ASGR2: variants seen among roughly 807,000 people sequenced by gnomAD.
ASGR2 encodes C-type lectin domain family 4 member H2.
A neutral mutation model predicts 32.3 loss-of-function variants in ASGR2; 34 were observed. The observed-to-expected ratio is 1.05, with a 90% CI of 0.80 to 1.40. The LOEUF is 1.40. Ranked by LOEUF, ASGR2 falls within the 40% of genes most tolerant of loss-of-function variation. The pLI, the probability that ASGR2 is intolerant of heterozygous loss-of-function variation, is 0.00. For missense variants in ASGR2, 385 were observed against 386.4 expected, an observed-to-expected ratio of 1.00 and a Z score of 0.03; for synonymous variants, 143 against 150.0, an observed-to-expected ratio of 0.95 and a Z score of 0.34.
intron 8 of ASGR2, 90 bp from the exon 9 acceptor site, chr17:7,101,830 A>G: frequency 1.3e-6 from 2 of 1,507,004 alleles, no homozygotes; most frequent in Non-Finnish European, 1.8e-6. Context: ...TTTTCCTTGA[A>G]GGCCGAGAGT....
At chr17:7,104,348 TAA>T (rs71383461) in intron 7 of ASGR2, among the ~76,000 whole-genome samples, 1,472 of 79,754 alleles carry the variant, frequency 0.018, 29 homozygotes, top group African/African-American at 0.063. Flanking sequence ...AACTCTGTCT[TAA>T]AAAAAAAAAA....
Position 7,113,623 on chromosome 17 carries a change from A to G in ASGR2, c.124+494T>C, listed in dbSNP as rs1439277568. Among the ~76,000 whole-genome samples, 2 of 151,822 alleles carry G rather than the reference A, an allele frequency of 1.3e-5. No individual in the cohort carries two copies. Among genetic ancestry groups the G allele is most frequent in the Admixed American group, 6.6e-5 (1 of 15,236 alleles). On this transcript the variant is annotated intron_variant, in intron 2 of 8. Coordinates refer to ENST00000691900, the MANE Select transcript of ASGR2 (RefSeq NM_001201352.2). This position sits in a 1 kb window ranked among gnomAD's most constrained non-coding sequence, Gnocchi z 5.1. ...ACACTCGCACAACATACACACATGCACAAGATACACACACAACACACAACA... is the reference window on the plus strand; with the variant it reads ...ACACTCGCACAACATACACACATGCGCAAGATACACACACAACACACAACA...
At position 7,114,449 on chromosome 17, in the gene ASGR2, T is replaced by C; in HGVS notation, c.-70-139A>G. On this transcript the variant is annotated intron_variant, in intron 1 of 8. Transcript: ENST00000691900. The surrounding 1 kb of genome is among the most constrained non-coding windows in gnomAD (Gnocchi z 4.5). ...GAGGTTTGAAATCCCGCTGGGTCCTTTCCCTTCTCAGGAGACCGCTTGGGC... is the reference window on the plus strand; with the variant it reads ...GAGGTTTGAAATCCCGCTGGGTCCTCTCCCTTCTCAGGAGACCGCTTGGGC... The C allele has an allele frequency of 7.1e-7, 1 of 1,403,722 alleles. No homozygotes were observed. Among genetic ancestry groups the C allele is most frequent in the Non-Finnish European group, 9.3e-7 (1 of 1,080,444 alleles). 87.0% of individuals were successfully genotyped at this position (1,403,722 alleles called of 1,614,324 possible).
chr17:7,110,094 C>A (rs1301706201), intron 2 of ASGR2, among the ~76,000 whole-genome samples: 2 of 152,166 alleles, frequency 1.3e-5, no homozygotes, highest in African/African-American at 2.4e-5. Flanking sequence ...GGCCCAGAAT[C>A]TTCCTCCCCA....
chr17:7,108,731 C>T lies in ASGR2; in HGVS notation c.241+41G>A. 2 of 1,613,912 alleles carry T rather than the reference C, an allele frequency of 1.2e-6. No homozygotes were observed. Among genetic ancestry groups the T allele is most frequent in the South Asian group, 1.1e-5 (1 of 91,052 alleles). ...GCCCGCCACTGCCCATGTCTCTTTC[C>T]CTACCCCTTGCCCATCCCTGCTGGC... On this transcript the variant is annotated intron_variant, in intron 3 of 8. Coordinates refer to ENST00000691900, the MANE Select transcript of ASGR2 (RefSeq NM_001201352.2). The surrounding 1 kb of genome is among the most constrained non-coding windows in gnomAD (Gnocchi z 4.9).
In ASGR2 at chr17:7,107,281, G is replaced by A; in HGVS notation, c.446C>T (p.Pro149Leu). 1 of 1,613,976 alleles carries A rather than the reference G, an allele frequency of 6.2e-7. No homozygotes were observed. ...GCAGGCCACGAAGCGCAGGTCCACG[G>A]GGAAGTGCTTCAGATGGAAGAGCAG... is the stretch of plus-strand genomic sequence containing the variant. ...DALLFHLKHF[P>L]VDLRFVACQM... Residue 149 changes from proline (P) to leucine (L), a missense_variant, in exon 6 of 9, where the codon CCC becomes CTC. Transcript: ENST00000691900. The surrounding 1 kb of genome is among the most constrained non-coding windows in gnomAD (Gnocchi z 5.0).
rs756818083 is a variant in ASGR2, at chr17:7,107,785, G to A, written c.409+51C>T. ...CGCACACGTACACACTACACACACC[G>A]CACACGTACACATGCACGCACATGC... On this transcript the variant is annotated intron_variant, in intron 5 of 8. Transcript: ENST00000691900. The surrounding 1 kb of genome is among the most constrained non-coding windows in gnomAD (Gnocchi z 5.0). 4.4e-6 allele frequency: 7 copies of A among 1,582,768 alleles called. No homozygotes were observed. The highest frequency in any genetic ancestry group is 3.4e-5 in the Admixed American group (2 of 59,382).
Position 7,108,770 on chromosome 17 carries a change from A to T in ASGR2, c.241+2T>A. 1 of 1,613,516 alleles carries T rather than the reference A, an allele frequency of 6.2e-7. No homozygotes were observed. On this transcript the variant is annotated splice_donor_variant, in intron 3 of 8. Transcript: ENST00000691900. LOFTEE classifies it high-confidence loss of function. This position sits in a 1 kb window ranked among gnomAD's most constrained non-coding sequence, Gnocchi z 4.9. ...ATCCCTGCTGGCCCCCGTGACCCTC[A>T]CTTTGGGACCCAGTCACACAGATGA...
At position 7,107,177 on chromosome 17, in the gene ASGR2, G is replaced by A. The variant is rs750804100; in HGVS notation, c.497-26C>T. ...CTGAGGGGACAGGGGGCAGGGAGAT[G>A]AGATCCAGCCGGAGGGGCAGGCACA... On this transcript the variant is annotated intron_variant, in intron 6 of 8. Transcript: ENST00000691900. The surrounding 1 kb of genome is among the most constrained non-coding windows in gnomAD (Gnocchi z 5.0). 2.5e-6 allele frequency: 4 copies of A among 1,614,198 alleles called. No individual in the cohort carries two copies. The highest frequency in any genetic ancestry group is 2.5e-6 in the Non-Finnish European group (3 of 1,180,016).
intron 2 of ASGR2, among the ~76,000 whole-genome samples, chr17:7,112,653 C>G (rs532809274): frequency 2.0e-5 from 3 of 152,294 alleles, no homozygotes; most frequent in East Asian, 3.9e-4. Flanking sequence ...CAGCCCCCTA[C>G]AGAGAGAGGA....
In ASGR2 at chr17:7,107,454, A is replaced by C. The variant is rs777582179; in HGVS notation, c.410-137T>G. 98 of 821,554 alleles carry C rather than the reference A, an allele frequency of 1.2e-4. No individual in the cohort carries two copies. The highest frequency in any genetic ancestry group is 1.8e-4 in the Non-Finnish European group (92 of 510,720). 50.9% of individuals were successfully genotyped at this position (821,554 alleles called of 1,614,324 possible). A position where few individuals can be genotyped will look rare whatever the true frequency, so the allele number is the denominator to read the frequency against. On this transcript the variant is annotated intron_variant, in intron 5 of 8. Transcript: ENST00000691900. The surrounding 1 kb of genome is among the most constrained non-coding windows in gnomAD (Gnocchi z 5.0). ...CCACACCACACACCATACCACACAC[A>C]CACCACAGACATGTACACCACACAT...
chr17:7,105,428 A>G (rs1913529637), intron 7 of ASGR2, among the ~76,000 whole-genome samples: 1 of 152,148 alleles, frequency 6.6e-6, no homozygotes. Flanking sequence ...CTGTAATCCC[A>G]ATATTTTGGG....
chr17:7,104,879 G>A (rs1011886163), intron 7 of ASGR2, among the ~76,000 whole-genome samples: 3 of 150,254 alleles, frequency 2.0e-5, no homozygotes, highest in Admixed American at 6.7e-5. Flanking sequence ...GGGATACTAA[G>A]ACAGGAGAAT....
rs1181410327 is a variant in ASGR2 at position 7,101,749 on chromosome 17, G to A, written c.756-9C>T. The A allele has an allele frequency of 1.2e-6, 2 of 1,611,648 alleles. No individual in the cohort carries two copies. The highest frequency in any genetic ancestry group is 1.7e-5 in the Admixed American group (1 of 59,952). ...GAGTGACAGCCCAGTTCCTAAGGAGGCAAGAGAAAACTCGGACTCTGCCAC... is the reference window on the plus strand; with the variant it reads ...GAGTGACAGCCCAGTTCCTAAGGAGACAAGAGAAAACTCGGACTCTGCCAC... On this transcript the variant is annotated splice_polypyrimidine_tract_variant and intron_variant, in intron 8 of 8. Transcript: ENST00000691900.
At position 7,108,358 on chromosome 17, in the gene ASGR2, C is replaced by T; in HGVS notation, c.337+104G>A. 1 of 1,279,536 alleles carries T rather than the reference C, an allele frequency of 7.8e-7. No homozygotes were observed. Among genetic ancestry groups the T allele is most frequent in the Non-Finnish European group, 1.1e-6 (1 of 926,974 alleles). The allele number at this position is 1,279,536 out of a possible 1,614,324, so 79.3% of individuals were successfully genotyped here. On this transcript the variant is annotated intron_variant, in intron 4 of 8. Coordinates refer to ENST00000691900, the MANE Select transcript of ASGR2 (RefSeq NM_001201352.2). The surrounding 1 kb of genome is among the most constrained non-coding windows in gnomAD (Gnocchi z 4.9). ...CCCCAGGGCCCCTGGACGCCTTGCC[C>T]AGCCTGCACCCCCACGGCACCCCAC...
At position 7,114,243 on chromosome 17, in the gene ASGR2, T is replaced by C; in HGVS notation, c.-3A>G. ...ATATCTTGAAAGTCCTTGGCCATGA[T>C]GGGGCCCGGGCTGGAGCTGGAGCTG... is the stretch of plus-strand genomic sequence containing the variant. On this transcript the variant is annotated 5_prime_UTR_variant, in exon 2 of 9. Transcript: ENST00000691900. The surrounding 1 kb of genome is among the most constrained non-coding windows in gnomAD (Gnocchi z 4.5). 1.2e-6 allele frequency: 2 copies of C among 1,613,590 alleles called. No homozygotes were observed. Among genetic ancestry groups the C allele is most frequent in the Non-Finnish European group, 8.5e-7 (1 of 1,179,902 alleles).
rs1184918943 is a variant in ASGR2, at chr17:7,113,284, C to G, written c.124+833G>C. On this transcript the variant is annotated intron_variant, in intron 2 of 8. Coordinates refer to ENST00000691900, the MANE Select transcript of ASGR2 (RefSeq NM_001201352.2). This position sits in a 1 kb window ranked among gnomAD's most constrained non-coding sequence, Gnocchi z 5.1. The stretch of plus-strand genomic sequence containing the variant: ...CCACCCATCCCAACTCACCCCACCT[C>G]TACACACACACACACACACACATAC... Among the ~76,000 whole-genome samples the G allele has an allele frequency of 8.2e-6, 1 of 122,226 alleles. No individual in the cohort carries two copies. The highest frequency in any genetic ancestry group is 3.4e-5 in the African/African-American group (1 of 29,466). 80.2% of individuals were successfully genotyped at this position (122,226 alleles called of 152,430 possible).
Position 7,113,046 on chromosome 17 carries a change from C to A in ASGR2, c.124+1071G>T, listed in dbSNP as rs1441052930. ...AGTGGTGCACACCTGTAAGTCCTAACTACTTGGGAGGCTGAGGTGGGAGGA... is the reference window on the plus strand; with the variant it reads ...AGTGGTGCACACCTGTAAGTCCTAAATACTTGGGAGGCTGAGGTGGGAGGA... On this transcript the variant is annotated intron_variant, in intron 2 of 8. Coordinates refer to ENST00000691900, the MANE Select transcript of ASGR2 (RefSeq NM_001201352.2). This position sits in a 1 kb window ranked among gnomAD's most constrained non-coding sequence, Gnocchi z 5.1. Among the ~76,000 whole-genome samples, 2 of 151,734 alleles carry A rather than the reference C, an allele frequency of 1.3e-5. No individual in the cohort carries two copies. Among genetic ancestry groups the A allele is most frequent in the East Asian group, 3.9e-4 (2 of 5,194 alleles).
At chr17:7,104,136 A>T (rs1018864023) in intron 7 of ASGR2, among the ~76,000 whole-genome samples, 1 of 151,492 alleles carries the variant, frequency 6.6e-6, no homozygotes, top group Non-Finnish European at 1.5e-5. Context: ...ATCACCTGAG[A>T]TCGGGAATTG....
Sources: allele counts gnomAD v4.1 joint callset (sites outside exome capture counted in the v4.1 genomes callset), GRCh38; gene constraint gnomAD v4.1.1; non-coding constraint Gnocchi (gnomAD v3.1); transcripts MANE v1.5; gene names NCBI Gene and HGNC (gene_info 2026-07-23, HGNC 2026-07-21).